Variants in SLC25A21 observed in about 807,000 individuals in gnomAD.
The protein encoded by SLC25A21 is solute carrier family 25 member 21, also known as mitochondrial 2-oxodicarboxylate carrier.
In SLC25A21, 47 loss-of-function variants were observed where a neutral mutation model predicts 43.8. The observed-to-expected ratio is 1.07, with a 90% CI of 0.85 to 1.37. SLC25A21 has a LOEUF of 1.37. Ranked by LOEUF, SLC25A21 falls within the 40% of genes most tolerant of loss-of-function variation. The pLI is 0.00. For missense variants in SLC25A21, 352 were observed against 350.2 expected (o/e 1.00, Z -0.04); for synonymous variants, 131 against 121.3 (o/e 1.08, Z -0.52).
chr14:37,101,529 T>C (rs1962816849), intron 1 of SLC25A21, among the ~76,000 whole-genome samples: 1 of 152,224 alleles, frequency 6.6e-6, no homozygotes, highest in Non-Finnish European at 1.5e-5. Context: ...ATGAAAAATA[T>C]TCATGTATGA....
chr14:37,152,592 A>G (rs996922745), intron 1 of SLC25A21, among the ~76,000 whole-genome samples: 1 of 152,160 alleles, frequency 6.6e-6, no homozygotes, highest in Non-Finnish European at 1.5e-5. Flanking sequence ...GAGCCTGCAG[A>G]GCGCAGAGAA....
chr14:36,748,690 T>C (rs1162764754), intron 3 of SLC25A21, among the ~76,000 whole-genome samples: 2 of 152,222 alleles, frequency 1.3e-5, no homozygotes, highest in Non-Finnish European at 2.9e-5. Flanking sequence ...TTTGTGGACT[T>C]TGTCTGTTTC....
chr14:36,982,228 T>C (rs970561315), intron 1 of SLC25A21, among the ~76,000 whole-genome samples: 5 of 152,250 alleles, frequency 3.3e-5, no homozygotes, highest in African/African-American at 7.2e-5. Context: ...ATAAGTTTTA[T>C]GCTATGAGGA....
rs139021565 is a variant in SLC25A21 at position 36,852,483 on chromosome 14, C to T, written c.119+22473G>A. ...AATGGAATTCCTAGGCATTATGTGG[C>T]TATCACAGCTGAAAGTATAATTATA... On this transcript the variant is annotated intron_variant, in intron 2 of 9. Transcript: ENST00000331299. Among the ~76,000 whole-genome samples the T allele has an allele frequency of 4.2e-3, 634 of 152,270 alleles. 7 individuals carry two copies. The highest frequency in any genetic ancestry group is 0.014 in the African/African-American group (601 of 41,550).
intron 1 of SLC25A21, among the ~76,000 whole-genome samples, chr14:37,125,337 T>G (rs949010861): frequency 6.6e-6 from 1 of 152,150 alleles, no homozygotes; most frequent in African/African-American, 2.4e-5. Context: ...ATGAAAATAT[T>G]CTCCAAGGGT....
intron 1 of SLC25A21, chr14:37,098,564 G>A (rs1231273126): frequency 6.6e-6 from 1 of 152,146 alleles, no homozygotes; most frequent in African/African-American, 2.4e-5. Flanking sequence ...TATAAAAGAA[G>A]TTTGGTTTTC....
chr14:37,120,545 C>T (rs11156934), intron 1 of SLC25A21, among the ~76,000 whole-genome samples: 79,802 of 151,954 alleles, frequency 0.53, 23,900 homozygotes, highest in Non-Finnish European at 0.66. Context: ...CTGCCAAACT[C>T]CACAATGCAG....
At chr14:37,134,016 T>A (rs1453050939) in intron 1 of SLC25A21, among the ~76,000 whole-genome samples, 7 of 152,136 alleles carry the variant, frequency 4.6e-5, no homozygotes, top group Admixed American at 3.9e-4. Context: ...ACAGTCAATG[T>A]TTTTGCTCAG....
At chr14:36,905,569 T>C (rs1275548806) in intron 1 of SLC25A21, among the ~76,000 whole-genome samples, 2 of 152,172 alleles carry the variant, frequency 1.3e-5, no homozygotes, top group African/African-American at 4.8e-5. Context: ...CTCTAATGAA[T>C]AAAGCTAACA....
intron 1 of SLC25A21, among the ~76,000 whole-genome samples, chr14:36,928,386 C>A (rs1043148178): frequency 2.0e-5 from 3 of 151,942 alleles, no homozygotes; most frequent in Non-Finnish European, 4.4e-5. Flanking sequence ...TTGTTTCTTG[C>A]CAAATTTCAA....
intron 1 of SLC25A21, among the ~76,000 whole-genome samples, chr14:36,991,145 A>G (rs936314293): frequency 1.3e-5 from 2 of 152,240 alleles, no homozygotes; most frequent in African/African-American, 4.8e-5. Flanking sequence ...CCAAAAGAAC[A>G]TCACACACCT....
At chr14:36,935,632 T>A (rs989267035) in intron 1 of SLC25A21, among the ~76,000 whole-genome samples, 12 of 152,152 alleles carry the variant, frequency 7.9e-5, no homozygotes, top group African/African-American at 2.9e-4. Context: ...CACTGTCATC[T>A]CCTTGAATAT....
At chr14:37,068,096 G>A (rs538434324) in intron 1 of SLC25A21, among the ~76,000 whole-genome samples, 5 of 152,282 alleles carry the variant, frequency 3.3e-5, no homozygotes, top group South Asian at 4.2e-4. Context: ...GCCAACCCCC[G>A]GACTTGAACA....
chr14:37,155,863 A>G (rs964809412), intron 1 of SLC25A21, among the ~76,000 whole-genome samples: 5 of 152,056 alleles, frequency 3.3e-5, no homozygotes, highest in Non-Finnish European at 7.4e-5. Flanking sequence ...CCATCACAAA[A>G]ACACACAAAA....
intron 1 of SLC25A21, among the ~76,000 whole-genome samples, chr14:37,030,660 T>C (rs1168390112): frequency 1.3e-5 from 2 of 152,184 alleles, no homozygotes; most frequent in Non-Finnish European, 2.9e-5. Flanking sequence ...GCATCAGTGA[T>C]TAATTTTTTG....
At chr14:37,134,667 A>G (rs1963447617) in intron 1 of SLC25A21, among the ~76,000 whole-genome samples, 1 of 151,426 alleles carries the variant, frequency 6.6e-6, no homozygotes, top group African/African-American at 2.4e-5. Flanking sequence ...AAAAAAAGAA[A>G]GAAAGAAAGA....
chr14:36,997,833 A>C (rs190680379), intron 1 of SLC25A21, among the ~76,000 whole-genome samples: 2 of 151,252 alleles, frequency 1.3e-5, no homozygotes, highest in East Asian at 2.0e-4. Context: ...AAAAAAAAAA[A>C]CAACTCTATT....
chr14:36,752,941 G>A (rs547663818), intron 3 of SLC25A21, among the ~76,000 whole-genome samples: 9 of 152,150 alleles, frequency 5.9e-5, no homozygotes, highest in Admixed American at 1.3e-4. Context: ...CTGACTATAA[G>A]TCAATATATA....
intron 1 of SLC25A21, among the ~76,000 whole-genome samples, chr14:36,928,590 G>C (rs12881110): frequency 0.48 from 73,390 of 152,028 alleles, 20,346 homozygotes; most frequent in Non-Finnish European, 0.62. Flanking sequence ...GTTACAATGA[G>C]TGCATATGTG....
Sources: allele counts gnomAD v4.1 joint callset (sites outside exome capture counted in the v4.1 genomes callset), GRCh38; gene constraint gnomAD v4.1.1; transcripts MANE v1.5; gene names NCBI Gene and HGNC (gene_info 2026-07-23, HGNC 2026-07-21).